Variants in TRIM50 observed in about 807,000 individuals in gnomAD.
TRIM50 encodes the protein E3 ubiquitin-protein ligase TRIM50.
In TRIM50, 34 loss-of-function variants were observed where a neutral mutation model predicts 44.9. That is an observed-to-expected ratio of 0.76 (90% confidence interval 0.58 to 1.01). The LOEUF is 1.01. Among genes scored for constraint, TRIM50 ranks in the 50% least tolerant of loss-of-function variants. The pLI is 0.00. For synonymous variants in TRIM50, 307 were observed against 291.1 expected, an observed-to-expected ratio of 1.05 and a Z score of -0.56; for missense variants, 633 against 663.7, an observed-to-expected ratio of 0.95 and a Z score of 0.51.
intron 2 of TRIM50, among the ~76,000 whole-genome samples, chr7:73,322,192 A>G (rs1337998527): frequency 6.6e-6 from 1 of 152,116 alleles, no homozygotes; most frequent in African/African-American, 2.4e-5. Flanking sequence ...TACTAAAAAT[A>G]CAAAAAATTA....
At chr7:73,319,249 G>T (rs1804436992) in intron 3 of TRIM50, among the ~76,000 whole-genome samples, 197 bp from the exon 4 acceptor site, 1 of 152,128 alleles carries the variant, frequency 6.6e-6, no homozygotes. Context: ...TGGGGAGGGT[G>T]ACCCCAGCTC....
intron 2 of TRIM50, among the ~76,000 whole-genome samples, chr7:73,322,785 G>A (rs567936797): frequency 1.9e-3 from 296 of 152,172 alleles, no homozygotes; most frequent in African/African-American, 6.8e-3. Flanking sequence ...GACTCTCCTG[G>A]GTTGGTCTTC....
intron 3 of TRIM50, among the ~76,000 whole-genome samples, chr7:73,319,416 C>T (rs1804440713): frequency 6.6e-6 from 1 of 152,126 alleles, no homozygotes; most frequent in African/African-American, 2.4e-5. Flanking sequence ...GCCTCAGCCT[C>T]CCGAGTTGCT....
intron 2 of TRIM50, among the ~76,000 whole-genome samples, 171 bp downstream of exon 2, chr7:73,324,218 C>T (rs1235338507): frequency 6.6e-6 from 1 of 152,280 alleles, no homozygotes; most frequent in African/African-American, 2.4e-5. Context: ...CTTCAATCCC[C>T]GGCACCTGGG....
At position 73,313,048 on chromosome 7, in the gene TRIM50, A is replaced by G; in HGVS notation, c.1337T>C (p.Phe446Ser). The change falls in exon 7 of 7, where the codon TTC (phenylalanine) becomes TCC (serine). Residue 446 changes from phenylalanine (F) to serine (S), a missense_variant. Phe to Ser is a radical substitution (Grantham distance 155). Transcript: ENST00000333149. This position sits in a 1 kb window ranked among gnomAD's most constrained non-coding sequence, Gnocchi z 4.9. ...LRPLYTFQADFQGKLYPILDT... is the reference protein window; with the variant it reads ...LRPLYTFQADSQGKLYPILDT... ...CAGGATGGGGTAGAGCTTGCCCTGGAAGTCGGCCTGGAAGGTGTAGAGCGG... is the reference window on the plus strand; with the variant it reads ...CAGGATGGGGTAGAGCTTGCCCTGGGAGTCGGCCTGGAAGGTGTAGAGCGG... 1 of 1,578,054 alleles carries G rather than the reference A, an allele frequency of 6.3e-7. No individual in the cohort carries two copies. Among genetic ancestry groups the G allele is most frequent in the African/African-American group, 1.3e-5 (1 of 74,350 alleles).
rs1160824237 is a variant in TRIM50 at position 73,316,838 on chromosome 7, G to A, written c.750-149C>T. The A allele has an allele frequency of 1.8e-5, 22 of 1,201,248 alleles. No individual in the cohort carries two copies. The Middle Eastern group carries it at 8.7e-4, about 48-fold the overall frequency. The allele number at this position is 1,201,248 out of a possible 1,614,324, so 74.4% of individuals were successfully genotyped here. A position where few individuals can be genotyped will look rare whatever the true frequency, so the allele number is the denominator to read the frequency against. ...TGCCCATCATCCCCTCCCCTGCACA[G>A]CCCCTTCAGGGAGGACCCATCTCCT... On this transcript the variant is annotated intron_variant, in intron 5 of 6. Coordinates refer to ENST00000333149, the MANE Select transcript of TRIM50 (RefSeq NM_178125.3).
Position 73,313,575 on chromosome 7 carries a change from G to A in TRIM50, c.875-65C>T. ...AGGGCAGCAGACCCGGCCCACAGAA[G>A]CTGATGGAGGCCCTGAACTCCCCAA... On this transcript the variant is annotated intron_variant, in intron 6 of 6. Coordinates refer to ENST00000333149, the MANE Select transcript of TRIM50 (RefSeq NM_178125.3). This position sits in a 1 kb window ranked among gnomAD's most constrained non-coding sequence, Gnocchi z 4.9. 7.4e-7 allele frequency: 1 copy of A among 1,342,778 alleles called. No individual in the cohort carries two copies. Among genetic ancestry groups the A allele is most frequent in the Non-Finnish European group, 9.9e-7 (1 of 1,012,074 alleles). The allele number at this position is 1,342,778 out of a possible 1,614,324, so 83.2% of individuals were successfully genotyped here.
Position 73,328,075 on chromosome 7 carries a change from C to G in TRIM50, c.-194G>C. On this transcript the variant is annotated 5_prime_UTR_variant, in exon 1 of 7. It removes an upstream start codon present in the reference 5' UTR. Coordinates refer to ENST00000333149, the MANE Select transcript of TRIM50 (RefSeq NM_178125.3). ...CCTCGCGCTACCGCGCGTGCCCCAT[C>G]ATGCTCTGCGCGCTCCCATTACGTG... The G allele has an allele frequency of 1.0e-6, 1 of 955,114 alleles. No individual in the cohort carries two copies. Among genetic ancestry groups the G allele is most frequent in the East Asian group, 2.6e-5 (1 of 37,778 alleles). 59.2% of individuals were successfully genotyped at this position (955,114 alleles called of 1,614,324 possible).
At chr7:73,326,074 G>T (rs1804616820) in intron 1 of TRIM50, among the ~76,000 whole-genome samples, 1 of 152,076 alleles carries the variant, frequency 6.6e-6, no homozygotes, top group South Asian at 2.1e-4. Flanking sequence ...AATTTTTTTA[G>T]ATACCGGGTC....
In TRIM50 at chr7:73,315,457, T is replaced by C. The variant is rs139457788; in HGVS notation, c.874+1108A>G. Among the ~76,000 whole-genome samples, 793 of 151,306 alleles carry C rather than the reference T, an allele frequency of 5.2e-3. 10 individuals are homozygous for C. The highest frequency in any genetic ancestry group is 0.019 in the African/African-American group (767 of 41,248). On this transcript the variant is annotated intron_variant, in intron 6 of 6. Transcript: ENST00000333149. ...CACTGCAGCCTCCCAACTCCTGGGC[T>C]CAAGCAATCCTCCTGCCTCAGCCTC... is the stretch of plus-strand genomic sequence containing the variant.
chr7:73,316,488 T>A (rs1804361076), intron 6 of TRIM50, 77 bp downstream of exon 6: 2 of 1,571,300 alleles, frequency 1.3e-6, no homozygotes, highest in Non-Finnish European at 1.7e-6. Context: ...TAGCTTATTA[T>A]CTCTCTGATA....
chr7:73,316,534 C>T (rs1804362448), intron 6 of TRIM50, 31 bp downstream of exon 6: 1 of 1,612,846 alleles, frequency 6.2e-7, no homozygotes, highest in South Asian at 1.1e-5. Flanking sequence ...GGGCGGCAGC[C>T]CTCAGGAAGG....
intron 1 of TRIM50, among the ~76,000 whole-genome samples, 196 bp downstream of exon 1, chr7:73,327,704 C>T (rs1449680395): frequency 3.3e-5 from 5 of 152,198 alleles, no homozygotes; most frequent in Non-Finnish European, 7.4e-5. Flanking sequence ...GCAGCCACTC[C>T]GAGGGCTCCT....
chr7:73,324,508 T>A lies in TRIM50; in HGVS notation c.280A>T (p.Asn94Tyr). 6.2e-7 allele frequency: 1 copy of A among 1,613,868 alleles called. No individual in the cohort carries two copies. The highest frequency in any genetic ancestry group is 8.5e-7 in the Non-Finnish European group (1 of 1,180,002). Residue 94 changes from asparagine to tyrosine, a missense_variant, in exon 2 of 7, where the codon AAC (asparagine) becomes TAC (tyrosine). Transcript: ENST00000333149. ...TTCTCGCAGAAAAGGCTGAGCGGGT[T>A]CCGGTGGTGCACGCAGACCTTGGGC... ...PEPKVCVHHR[N>Y]PLSLFCEKDQ...
chr7:73,318,808 C>A lies in TRIM50; in HGVS notation c.726+14G>T, dbSNP rs782373414. 1 of 1,613,872 alleles carries A rather than the reference C, an allele frequency of 6.2e-7. No individual in the cohort carries two copies. The highest frequency in any genetic ancestry group is 8.5e-7 in the Non-Finnish European group (1 of 1,179,880). On this transcript the variant is annotated intron_variant, in intron 4 of 6. Transcript: ENST00000333149. ...TGGCGGGTATGGGGATGGGACGCCTCCCTGTCCACTCACCCGGATGAACTT... is the reference window on the plus strand; with the variant it reads ...TGGCGGGTATGGGGATGGGACGCCTACCTGTCCACTCACCCGGATGAACTT...
intron 6 of TRIM50, among the ~76,000 whole-genome samples, chr7:73,315,968 C>A (rs1403575930): frequency 6.6e-6 from 1 of 151,746 alleles, no homozygotes; most frequent in Non-Finnish European, 1.5e-5. Flanking sequence ...GCAACCTCCA[C>A]CTCCCTGGTT....
chr7:73,317,305 T>G (rs150186417), intron 5 of TRIM50, among the ~76,000 whole-genome samples: 1 of 150,698 alleles, frequency 6.6e-6, no homozygotes, highest in African/African-American at 2.4e-5. Flanking sequence ...CCACCCACCT[T>G]GGCCTCCCAA....
At chr7:73,316,973 C>T (rs1554544191) in intron 5 of TRIM50, 1 of 291,102 alleles carries the variant, frequency 3.4e-6, no homozygotes, top group Non-Finnish European at 6.3e-6. Context: ...GTCAATGGTC[C>T]ACCTGGGAAA....
intron 6 of TRIM50, among the ~76,000 whole-genome samples, chr7:73,316,089 C>A (rs538517526): frequency 6.6e-6 from 1 of 152,158 alleles, no homozygotes; most frequent in Non-Finnish European, 1.5e-5. Context: ...CCATGTTGGC[C>A]AAGCTGGACT....
Sources: gnomAD v4.1 joint callset for allele counts (sites outside exome capture counted in the v4.1 genomes callset) on GRCh38, gnomAD v4.1.1 for gene constraint, Gnocchi (gnomAD v3.1) non-coding constraint, MANE v1.5 for transcripts, NCBI Gene and HGNC (gene_info 2026-07-23, HGNC 2026-07-21) for gene names.